ZNF335: variants seen among roughly 807,000 people sequenced by gnomAD.
ZNF335 encodes the protein NRC-interacting factor 1.
In ZNF335, 84 loss-of-function variants were observed where a neutral mutation model predicts 145.6. The ratio of observed to expected loss-of-function variants is 0.58; its 90% CI spans 0.48 to 0.69. The LOEUF is 0.69. Among genes scored for constraint, ZNF335 ranks in the 30% least tolerant of loss-of-function variants. ZNF335 has a pLI of 0.00. For missense variants in ZNF335, 1,865 were observed against 1,809.7 expected (o/e 1.03, Z -0.55); for synonymous variants, 761 against 717.0 (o/e 1.06, Z -0.98).
At position 45,960,243 on chromosome 20, in the gene ZNF335, T is replaced by C; in HGVS notation, c.1985A>G (p.Asp662Gly). The change falls in exon 14 of 28, where the codon GAC becomes GGC. Residue 662 changes from aspartate (D) to glycine (G), a missense_variant. Coordinates refer to ENST00000322927, the MANE Select transcript of ZNF335 (RefSeq NM_022095.4). ...GACAGCCACATGGGACAGCAAGAAGTCCTCTCGGAAGGTGCGGTAGGGACA... is the reference window on the plus strand; with the variant it reads ...GACAGCCACATGGGACAGCAAGAAGCCCTCTCGGAAGGTGCGGTAGGGACA... The part of the protein sequence containing the change: ...SFCPYRTFRE[D>G]FLLSHVAVKH... The C allele has an allele frequency of 1.2e-6, 2 of 1,614,012 alleles. No homozygotes were observed. The highest frequency in any genetic ancestry group is 8.5e-7 in the Non-Finnish European group (1 of 1,179,978).
At chr20:45,969,320 G>T in intron 3 of ZNF335, 131 bp downstream of exon 3, 3 of 561,616 alleles carry the variant, frequency 5.3e-6, no homozygotes, top group East Asian at 3.3e-5. Flanking sequence ...CCATGAGACA[G>T]GGGTGACTGT....
chr20:45,948,745 G>T lies in ZNF335; in HGVS notation c.*208C>A, dbSNP rs1444631901. 2.9e-6 allele frequency: 2 copies of T among 681,074 alleles called. No individual in the cohort carries two copies. The highest frequency in any genetic ancestry group is 4.9e-6 in the Non-Finnish European group (2 of 409,362). 42.2% of individuals were successfully genotyped at this position (681,074 alleles called of 1,614,324 possible). A position where few individuals can be genotyped will look rare whatever the true frequency, so the allele number is the denominator to read the frequency against. ...AAAATAAATTTCTCTCCCAAAGCCT[G>T]CCTGCAGGCTGGGGCACCCAGCATG... On this transcript the variant is annotated 3_prime_UTR_variant, in exon 28 of 28. Coordinates refer to ENST00000322927, the MANE Select transcript of ZNF335 (RefSeq NM_022095.4).
chr20:45,966,858 C>CT (rs77856259), intron 6 of ZNF335: 2,533 of 130,528 alleles, frequency 0.019, 34 homozygotes, highest in African/African-American at 0.044. Context: ...CGGCATTTCT[C>CT]TTTTTTTTTT....
intron 6 of ZNF335, 122 bp downstream of exon 6, chr20:45,967,372 T>C (rs2083974747): frequency 1.3e-6 from 2 of 1,492,062 alleles, no homozygotes; most frequent in Non-Finnish European, 1.8e-6. Context: ...CTCTGTCTTA[T>C]ACTGGAGGGA....
intron 1 of ZNF335, chr20:45,971,897 T>A: frequency 2.0e-6 from 2 of 985,338 alleles, no homozygotes; most frequent in Non-Finnish European, 2.4e-6. Flanking sequence ...GGCCTGGCGA[T>A]TTGGGGCTGT....
intron 6 of ZNF335, 112 bp from the exon 7 acceptor site, chr20:45,965,886 C>T (rs1008117513): frequency 1.6e-6 from 2 of 1,265,042 alleles, no homozygotes; most frequent in Non-Finnish European, 2.1e-6. Context: ...TCCAAGCCCA[C>T]AGCGATGCCT....
In ZNF335 at chr20:45,960,378, G is replaced by A; in HGVS notation, c.1860-10C>T. 1 of 1,614,212 alleles carries A rather than the reference G, an allele frequency of 6.2e-7. No individual in the cohort carries two copies. The highest frequency in any genetic ancestry group is 8.5e-7 in the Non-Finnish European group (1 of 1,180,016). On this transcript the variant is annotated splice_polypyrimidine_tract_variant and intron_variant, in intron 13 of 27. Transcript: ENST00000322927. ...GAACTCACACTTGAACCTGGAGGCGGTTAGAGGGAGGGAAGCTCAGTAATG... is the reference window on the plus strand; with the variant it reads ...GAACTCACACTTGAACCTGGAGGCGATTAGAGGGAGGGAAGCTCAGTAATG...
At chr20:45,953,349 G>T (rs1259849287) in intron 18 of ZNF335, among the ~76,000 whole-genome samples, 3 of 152,168 alleles carry the variant, frequency 2.0e-5, no homozygotes, top group African/African-American at 4.8e-5. Flanking sequence ...CTTGGGCATG[G>T]GAACCAAAGG....
At chr20:45,962,348 C>T (rs1489393494) in intron 9 of ZNF335, among the ~76,000 whole-genome samples, 166 bp from the exon 10 acceptor site, 2 of 152,212 alleles carry the variant, frequency 1.3e-5, no homozygotes, top group African/African-American at 2.4e-5. Context: ...TAGGAAGGCC[C>T]GGGGACTGTC....
rs769199223 is a variant in ZNF335, at chr20:45,969,464, G to C, written c.429C>G (p.Pro143=). ...TGCCTGACTCACTCTGGATGAGGTC[G>C]GGCCCGATGGTGGACTCGATGATCT... ...IDKIIESTIG[P]DLIQNCITVT... is the part of the protein sequence containing the mutation. The change falls in exon 3 of 28, where the codon CCC becomes CCG. Residue 143 remains proline, a synonymous_variant. Coordinates refer to ENST00000322927, the MANE Select transcript of ZNF335 (RefSeq NM_022095.4). 7 of 1,545,472 alleles carry C rather than the reference G, an allele frequency of 4.5e-6. No homozygotes were observed. In the South Asian group the frequency reaches 8.5e-5, roughly 19 times the overall value.
chr20:45,960,449 C>G lies in ZNF335; in HGVS notation c.1859G>C (p.Arg620Thr), dbSNP rs200292156. 2.7e-5 allele frequency: 44 copies of G among 1,614,082 alleles called. No homozygotes were observed. Among genetic ancestry groups the G allele is most frequent in the Non-Finnish European group, 3.6e-5 (43 of 1,180,042 alleles). The change falls in exon 13 of 28, where the codon AGG becomes ACG. Residue 620 changes from arginine (R) to threonine (T), a missense_variant and splice_region_variant. Physicochemically the swap from Arg to Thr is moderately conservative, Grantham distance 71. Transcript: ENST00000322927. The stretch of plus-strand genomic sequence containing the variant: ...CCCAGGGGCCTCCAAGGGGATGTAC[C>G]TGCGGTTGGCAACAGCCTGGATGTG... ...LTHIQAVANR[R>T]FKCEFCEFVC...
At chr20:45,972,038 G>T in intron 1 of ZNF335, 84 bp downstream of exon 1, 2 of 1,251,304 alleles carry the variant, frequency 1.6e-6, no homozygotes, top group Non-Finnish European at 2.1e-6. Context: ...GCCGGCCTGG[G>T]ACCTCGCCTC....
intron 17 of ZNF335, 100 bp from the exon 18 acceptor site, chr20:45,954,048 C>A: frequency 1.4e-6 from 2 of 1,398,120 alleles, no homozygotes; most frequent in Admixed American, 2.1e-5. Flanking sequence ...CACCCACACA[C>A]TCTAGTCAGA....
chr20:45,962,957 G>A (rs948629915), intron 9 of ZNF335, among the ~76,000 whole-genome samples: 3 of 151,882 alleles, frequency 2.0e-5, no homozygotes, highest in African/African-American at 7.3e-5. Context: ...GGGATTACAG[G>A]CATGCACCAC....
At position 45,968,010 on chromosome 20, in the gene ZNF335, G is replaced by A. The variant is rs1600549643; in HGVS notation, c.538C>T (p.Pro180Ser). 11 of 1,612,578 alleles carry A rather than the reference G, an allele frequency of 6.8e-6. No individual in the cohort carries two copies. Among genetic ancestry groups the A allele is most frequent in the Non-Finnish European group, 9.3e-6 (11 of 1,180,020 alleles). ...GPDDGAPMTSPMSSSTLAHSL... is the reference protein window; with the variant it reads ...GPDDGAPMTSSMSSSTLAHSL... Reference sequence around the variant, plus strand: ...TGGGCCAAGGTGGAACTGGACATTGGTGATGTCATGGGGGCTCCTGGGGAT... The same window carrying A: ...TGGGCCAAGGTGGAACTGGACATTGATGATGTCATGGGGGCTCCTGGGGAT... The change falls in exon 5 of 28, where the codon CCA becomes TCA. Residue 180 changes from proline to serine, a missense_variant. Coordinates refer to ENST00000322927, the MANE Select transcript of ZNF335 (RefSeq NM_022095.4).
chr20:45,970,737 T>C (rs2084043610), intron 2 of ZNF335, among the ~76,000 whole-genome samples: 2 of 151,158 alleles, frequency 1.3e-5, no homozygotes, highest in African/African-American at 4.9e-5. Flanking sequence ...GGACCCAGTC[T>C]TAACCCAGGG....
intron 2 of ZNF335, chr20:45,969,975 C>A: frequency 3.0e-6 from 1 of 337,080 alleles, no homozygotes; most frequent in Admixed American, 4.4e-5. Context: ...TGGGCTTTTG[C>A]ATAAATCGTT....
chr20:45,970,566 C>T (rs2084040406), intron 2 of ZNF335, among the ~76,000 whole-genome samples: 1 of 152,006 alleles, frequency 6.6e-6, no homozygotes, highest in Non-Finnish European at 1.5e-5. Context: ...CAAGATCACA[C>T]GGCTAGGAAG....
At chr20:45,960,115 G>C in intron 14 of ZNF335, 93 bp downstream of exon 14, 1 of 1,434,444 alleles carries the variant, frequency 7.0e-7, no homozygotes, top group Non-Finnish European at 9.4e-7. Context: ...TGGGGCTACC[G>C]AGGGGGAAGG....
Sources: allele counts gnomAD v4.1 joint callset (sites outside exome capture counted in the v4.1 genomes callset), GRCh38; gene constraint gnomAD v4.1.1; transcripts MANE v1.5; gene names NCBI Gene and HGNC (gene_info 2026-07-23, HGNC 2026-07-21).